The following CC2D2A variants were observed in gnomAD, a reference collection of about 807,000 sequenced individuals.
The protein encoded by CC2D2A is coiled-coil and C2 domain-containing protein 2A.
CC2D2A carries 155 observed loss-of-function variants against 212.9 expected under a neutral mutation model. The ratio of observed to expected loss-of-function variants is 0.73; its 90% CI spans 0.64 to 0.83. The LOEUF (loss-of-function observed/expected upper bound fraction) is 0.83. Ranked by LOEUF, CC2D2A falls within the 40% of genes least tolerant of loss-of-function variation. The pLI, the probability that CC2D2A is intolerant of heterozygous loss-of-function variation, is 0.00. For missense variants in CC2D2A, 1,856 were observed against 1,956.2 expected (o/e 0.95, Z 0.97); for synonymous variants, 667 against 686.5 (o/e 0.97, Z 0.44).
Position 15,569,309 on chromosome 4 carries a change from T to C in CC2D2A, c.3415T>C (p.Tyr1139His). The C allele has an allele frequency of 6.3e-7, 1 of 1,578,280 alleles. No individual in the cohort carries two copies. The highest frequency in any genetic ancestry group is 8.6e-7 in the Non-Finnish European group (1 of 1,159,908). Reference sequence around the variant, plus strand: ...GTCTTGCAGGGCTCCTAATGGAGATTATAGCACAGCCAGTCTGCAGTCAGT... The same window carrying C: ...GTCTTGCAGGGCTCCTAATGGAGATCATAGCACAGCCAGTCTGCAGTCAGT... ...ELPFRAPNGD[Y>H]STASLQSVKD... Residue 1139 changes from tyrosine to histidine, a missense_variant, in exon 27 of 37, where the codon TAT becomes CAT. Around this residue, in one of 5 missense-constraint regions of CC2D2A, gnomAD observed 1,512 missense variants for 1,579.3 expected, o/e 0.96. Coordinates refer to ENST00000424120, the MANE Select transcript of CC2D2A (RefSeq NM_001378615.1).
chr4:15,595,872 A>C (rs1323355293), intron 33 of CC2D2A: 4 of 358,290 alleles, frequency 1.1e-5, no homozygotes, highest in Non-Finnish European at 2.0e-5. Flanking sequence ...ACTTCAGATA[A>C]AAAATGTGAA....
chr4:15,564,504 C>T (rs1367813505), intron 24 of CC2D2A, among the ~76,000 whole-genome samples: 1 of 152,172 alleles, frequency 6.6e-6, no homozygotes, highest in Admixed American at 6.5e-5. Context: ...TTACTATCTC[C>T]ACTTCACAAA....
intron 33 of CC2D2A, 99 bp downstream of exon 33, chr4:15,589,778 T>A: frequency 2.4e-6 from 1 of 409,346 alleles, no homozygotes; most frequent in Non-Finnish European, 3.5e-6. Flanking sequence ...AATATTTATA[T>A]AAATGAATAT....
rs1466550981 is a variant in CC2D2A at position 15,596,165 on chromosome 4, C to T, written c.4395C>T (p.Phe1465=). 1 of 1,549,308 alleles carries T rather than the reference C, an allele frequency of 6.5e-7. No individual in the cohort carries two copies. The change falls in exon 34 of 37, where the codon TTC becomes TTT. Residue 1465 remains phenylalanine, a synonymous_variant. Coordinates refer to ENST00000424120, the MANE Select transcript of CC2D2A (RefSeq NM_001378615.1). ...DVTRPKLWKS[F]FSRSLPYPGL... ...CCAGGCCCAAGCTATGGAAATCTTT[C>T]TTTTCAAGAAGCCTTCCATATCCTG...
At position 15,587,947 on chromosome 4, in the gene CC2D2A, G is replaced by C; in HGVS notation, c.4179+18G>C. ...TTCCTGAGGTAAGACCACATAGGCT[G>C]CCTTTAACAGAGGAGTATAGTTGTC... On this transcript the variant is annotated intron_variant, in intron 32 of 36. Coordinates refer to ENST00000424120, the MANE Select transcript of CC2D2A (RefSeq NM_001378615.1). 7.2e-7 allele frequency: 1 copy of C among 1,396,498 alleles called. No homozygotes were observed. Among genetic ancestry groups the C allele is most frequent in the Non-Finnish European group, 1.0e-6 (1 of 985,538 alleles). 86.5% of individuals were successfully genotyped at this position (1,396,498 alleles called of 1,614,324 possible).
At chr4:15,486,525 GATTTT>G (rs1401748471) in intron 4 of CC2D2A, among the ~76,000 whole-genome samples, 1 of 151,774 alleles carries the variant, frequency 6.6e-6, no homozygotes, top group Non-Finnish European at 1.5e-5. Flanking sequence ...TTTTGTCTCT[GATTTT>G]ATTTCTGTGG....
intron 33 of CC2D2A, among the ~76,000 whole-genome samples, chr4:15,595,539 G>A (rs968416311): frequency 1.3e-5 from 2 of 152,208 alleles, no homozygotes; most frequent in African/African-American, 4.8e-5. Context: ...TTATCCCACT[G>A]TTAAACAGAA....
At chr4:15,520,423 T>C (rs961884542) in intron 11 of CC2D2A, among the ~76,000 whole-genome samples, 6 of 152,166 alleles carry the variant, frequency 3.9e-5, no homozygotes, top group Non-Finnish European at 5.9e-5. Flanking sequence ...TATGCATTTA[T>C]TGAATAATCC....
chr4:15,515,061 T>C (rs1334373543), intron 9 of CC2D2A, among the ~76,000 whole-genome samples, 192 bp downstream of exon 9: 1 of 152,236 alleles, frequency 6.6e-6, no homozygotes, highest in East Asian at 1.9e-4. Flanking sequence ...CACTTATTGA[T>C]AGACTAATGG....
intron 4 of CC2D2A, among the ~76,000 whole-genome samples, chr4:15,491,660 C>G (rs900476362): frequency 6.6e-6 from 1 of 152,222 alleles, no homozygotes; most frequent in African/African-American, 2.4e-5. Context: ...CCACCTTGGC[C>G]TCCCAAAGTG....
intron 1 of CC2D2A, among the ~76,000 whole-genome samples, chr4:15,470,673 CTCTCTCTCTCTCTCTCTATA>C (rs1713689230): frequency 1.3e-5 from 1 of 74,740 alleles, no homozygotes; most frequent in African/African-American, 6.0e-5. Context: ...CTCTCTCTCT[CTCTCTCTCTCTCTCTCTATA>C]TATATATATA....
At chr4:15,573,303 G>A (rs1282535759) in intron 28 of CC2D2A, among the ~76,000 whole-genome samples, 7 of 151,972 alleles carry the variant, frequency 4.6e-5, no homozygotes, top group Admixed American at 1.3e-4. Flanking sequence ...TTTTGTTTTC[G>A]TTTTTGAGAC....
In CC2D2A at chr4:15,563,371, C is replaced by T; in HGVS notation, c.3031C>T (p.Leu1011Phe). Residue 1011 changes from leucine (L) to phenylalanine (F), a missense_variant, in exon 24 of 37, where the codon CTT becomes TTT. By Grantham distance (22) the Leu-to-Phe change is conservative (BLOSUM62 0). This residue lies in a region of CC2D2A where 1,512 missense variants were observed against 1,579.3 expected (regional missense o/e 0.96). Coordinates refer to ENST00000424120, the MANE Select transcript of CC2D2A (RefSeq NM_001378615.1). ...AATCATTAGCATTTTGGGCCTAAGCCTTTTCAAGCTGGCAGAACAAAAGCG... is the reference window on the plus strand; with the variant it reads ...AATCATTAGCATTTTGGGCCTAAGCTTTTTCAAGCTGGCAGAACAAAAGCG... ...VPNISILGLS[L>F]FKLAEQKRPL... is the part of the protein sequence containing the mutation. 3.1e-6 allele frequency: 5 copies of T among 1,603,820 alleles called. No individual in the cohort carries two copies. Among genetic ancestry groups the T allele is most frequent in the South Asian group, 1.1e-5 (1 of 89,226 alleles).
rs747204358 is a variant in CC2D2A at position 15,555,145 on chromosome 4, T to G, written c.2560T>G (p.Trp854Gly). The change falls in exon 20 of 37, where the codon TGG (tryptophan) becomes GGG (glycine). Residue 854 changes from tryptophan (W) to glycine (G), a missense_variant. Trp to Gly is a radical substitution (Grantham distance 184, BLOSUM62 -2). This residue lies in a region of CC2D2A where 1,512 missense variants were observed against 1,579.3 expected (regional missense o/e 0.96). Transcript: ENST00000424120. The part of the protein sequence containing the change: ...GLTDMKKLAK[W>G]AAESKLDPND... ...GACAGACATGAAAAAATTGGCCAAGTGGGCAGCAGAGTCCAAGCTCGACCC... is the reference window on the plus strand; with the variant it reads ...GACAGACATGAAAAAATTGGCCAAGGGGGCAGCAGAGTCCAAGCTCGACCC... 53 of 1,613,676 alleles carry G rather than the reference T, an allele frequency of 3.3e-5. No individual in the cohort carries two copies. The African/African-American group carries it at 5.9e-4, about 18-fold the overall frequency.
intron 28 of CC2D2A, among the ~76,000 whole-genome samples, chr4:15,571,358 A>G (rs1478091416): frequency 6.6e-6 from 1 of 152,212 alleles, no homozygotes; most frequent in African/African-American, 2.4e-5. Context: ...CAACTCTTGA[A>G]TGACTTAGTA....
chr4:15,530,096 C>T (rs1356758362), intron 13 of CC2D2A, among the ~76,000 whole-genome samples: 1 of 151,514 alleles, frequency 6.6e-6, no homozygotes. Context: ...CTCAGCCTCC[C>T]GAGTAGCTGG....
Position 15,533,210 on chromosome 4 carries a change from G to T in CC2D2A, c.1484G>T (p.Arg495Leu). ...KSEIRQTRKFRDAEQEKDRTL... is the reference protein window; with the variant it reads ...KSEIRQTRKFLDAEQEKDRTL... ...TCTTGCAGACAAACAAGAAAATTCCGTGATGCTGAACAAGAAAAAGATAGA... is the reference window on the plus strand; with the variant it reads ...TCTTGCAGACAAACAAGAAAATTCCTTGATGCTGAACAAGAAAAAGATAGA... The change falls in exon 14 of 37, where the codon CGT (arginine) becomes CTT (leucine). Residue 495 changes from arginine to leucine, a missense_variant. Coordinates refer to ENST00000424120, the MANE Select transcript of CC2D2A (RefSeq NM_001378615.1). 6.3e-7 allele frequency: 1 copy of T among 1,579,124 alleles called. No individual in the cohort carries two copies. Among genetic ancestry groups the T allele is most frequent in the Non-Finnish European group, 8.5e-7 (1 of 1,169,930 alleles).
chr4:15,515,448 G>A (rs1485173932), intron 9 of CC2D2A, among the ~76,000 whole-genome samples: 4 of 152,330 alleles, frequency 2.6e-5, no homozygotes, highest in South Asian at 2.1e-4. Context: ...TACAAAGCAC[G>A]TCCTCATACT....
At chr4:15,583,843 C>T (rs1170984226) in intron 30 of CC2D2A, among the ~76,000 whole-genome samples, 2 of 151,354 alleles carry the variant, frequency 1.3e-5, no homozygotes, top group African/African-American at 2.4e-5. Flanking sequence ...CCCAGCTACT[C>T]GGGAGGCTGA....
Sources: gnomAD v4.1 joint callset for allele counts (sites outside exome capture counted in the v4.1 genomes callset) on GRCh38, gnomAD v4.1.1 for gene constraint, gnomAD v4.1.1 regional missense constraint, MANE v1.5 for transcripts, NCBI Gene and HGNC (gene_info 2026-07-23, HGNC 2026-07-21) for gene names.